The following VTI1A variants were observed in gnomAD, a reference collection of about 807,000 sequenced individuals.
VTI1A encodes vesicle transport through interaction with t-SNAREs 1A.
A neutral mutation model predicts 34.9 loss-of-function variants in VTI1A; 22 were observed. That is an observed-to-expected ratio of 0.63 (90% CI 0.45 to 0.90). The LOEUF (loss-of-function observed/expected upper bound fraction) is 0.90, where lower values mean the gene tolerates loss of function less well. Ranked by LOEUF, VTI1A falls within the 40% of genes least tolerant of loss-of-function variation. VTI1A has a pLI of 0.00. For synonymous variants in VTI1A, 87 were observed against 97.3 expected, an observed-to-expected ratio of 0.89 and a Z score of 0.62; for missense variants, 268 against 275.6, an observed-to-expected ratio of 0.97 and a Z score of 0.20.
intron 5 of VTI1A, among the ~76,000 whole-genome samples, chr10:112,557,656 A>G (rs1051719635): frequency 1.3e-5 from 2 of 152,338 alleles, no homozygotes; most frequent in South Asian, 4.1e-4. Context: ...AATTATATAT[A>G]TATATTCACA....
At chr10:112,498,721 A>T (rs553238450) in intron 3 of VTI1A, among the ~76,000 whole-genome samples, 1 of 152,216 alleles carries the variant, frequency 6.6e-6, no homozygotes, top group Non-Finnish European at 1.5e-5. Flanking sequence ...GATTGAGTGG[A>T]CGCAGTTAGA....
intron 5 of VTI1A, among the ~76,000 whole-genome samples, chr10:112,595,003 G>A (rs1165251569): frequency 8.3e-5 from 12 of 145,208 alleles, no homozygotes; most frequent in South Asian, 2.2e-4. Context: ...CAGAAATAAC[G>A]CCACATATCT....
chr10:112,700,410 C>T (rs781742982), intron 7 of VTI1A, among the ~76,000 whole-genome samples: 17 of 152,160 alleles, frequency 1.1e-4, no homozygotes, highest in Non-Finnish European at 1.9e-4. Context: ...AAAAATAACT[C>T]CAATCTATTG....
chr10:112,841,832 A>G, the VTI1A span, among the ~76,000 whole-genome samples: 3 of 152,122 alleles, frequency 2.0e-5, no homozygotes, highest in East Asian at 5.8e-4. Context: ...TGCCCTCTTG[A>G]TAATTCTATC....
intron 7 of VTI1A, among the ~76,000 whole-genome samples, chr10:112,782,050 TATC>T (rs533828913): frequency 3.2e-4 from 48 of 152,344 alleles, no homozygotes; most frequent in Admixed American, 3.0e-3. Flanking sequence ...ATGCTCATAG[TATC>T]ATATCTGCTT....
At chr10:112,546,226 C>CACAT (rs1554901107) in intron 5 of VTI1A, among the ~76,000 whole-genome samples, 8 of 150,214 alleles carry the variant, frequency 5.3e-5, no homozygotes, top group South Asian at 2.1e-4. Context: ...CACACACACA[C>CACAT]ATATATATAT....
At chr10:112,730,037 C>A (rs1009166093) in intron 7 of VTI1A, among the ~76,000 whole-genome samples, 2 of 152,236 alleles carry the variant, frequency 1.3e-5, no homozygotes. Context: ...AGTTATTTCA[C>A]TTCTCTGGAG....
intron 7 of VTI1A, among the ~76,000 whole-genome samples, chr10:112,761,561 T>C (rs1851463749): frequency 6.6e-6 from 1 of 152,184 alleles, no homozygotes; most frequent in African/African-American, 2.4e-5. Flanking sequence ...CACATTTTCT[T>C]TTAAAAAAAT....
chr10:112,685,502 C>G (rs909103632), intron 7 of VTI1A, among the ~76,000 whole-genome samples: 4 of 152,264 alleles, frequency 2.6e-5, no homozygotes, highest in African/African-American at 9.6e-5. Context: ...TGAAGTCTCG[C>G]TGGTTCTTAC....
intron 5 of VTI1A, among the ~76,000 whole-genome samples, chr10:112,540,187 C>G (rs902981663): frequency 6.6e-6 from 1 of 152,092 alleles, no homozygotes; most frequent in Non-Finnish European, 1.5e-5. Flanking sequence ...GAAAGAAGAT[C>G]GCAGATACCA....
At chr10:112,803,810 G>T (rs1312677980) in intron 7 of VTI1A, among the ~76,000 whole-genome samples, 1 of 152,164 alleles carries the variant, frequency 6.6e-6, no homozygotes, top group African/African-American at 2.4e-5. Flanking sequence ...AGGGCATGGA[G>T]GCCTTTTCCA....
chr10:112,841,673 CA>C, the VTI1A span, among the ~76,000 whole-genome samples: 1 of 152,176 alleles, frequency 6.6e-6, no homozygotes, highest in Non-Finnish European at 1.5e-5. Context: ...CAGCCCTGCC[CA>C]TGGCAGTCAC....
At chr10:112,846,208 C>T in the VTI1A span, among the ~76,000 whole-genome samples, 4 of 152,148 alleles carry the variant, frequency 2.6e-5, no homozygotes, top group African/African-American at 9.7e-5. Flanking sequence ...AGGCCTGAAT[C>T]CTATTATCAG....
At chr10:112,659,081 T>A (rs1671081700) in intron 5 of VTI1A, among the ~76,000 whole-genome samples, 1 of 152,232 alleles carries the variant, frequency 6.6e-6, no homozygotes, top group Admixed American at 6.5e-5. Context: ...GAAGCCTTTC[T>A]AATTACTTTC....
rs191989407 is a variant in VTI1A, at chr10:112,615,330, T to C, written c.428-52888T>C. Among the ~76,000 whole-genome samples the C allele has an allele frequency of 5.3e-5, 8 of 152,348 alleles. No individual in the cohort carries two copies. In the East Asian group the frequency reaches 1.5e-3, roughly 29 times the overall value. On this transcript the variant is annotated intron_variant, in intron 5 of 7. Coordinates refer to ENST00000393077, the MANE Select transcript of VTI1A (RefSeq NM_145206.4). ...AACAGATGGCAGCAGAAAAGTGATA[T>C]AAATTAGTATTTAGGAATAGTTCTT...
chr10:112,504,995 T>A (rs1849378509), intron 3 of VTI1A, among the ~76,000 whole-genome samples: 1 of 152,162 alleles, frequency 6.6e-6, no homozygotes. Context: ...TCTATTATTT[T>A]TTTTAATGCT....
intron 3 of VTI1A, among the ~76,000 whole-genome samples, chr10:112,475,672 A>G (rs968059236): frequency 6.6e-6 from 1 of 152,178 alleles, no homozygotes; most frequent in East Asian, 1.9e-4. Flanking sequence ...AATTATTATC[A>G]ACTTTGTTTG....
At chr10:112,549,868 C>A (rs574932768) in intron 5 of VTI1A, among the ~76,000 whole-genome samples, 15 of 152,160 alleles carry the variant, frequency 9.9e-5, no homozygotes, top group Non-Finnish European at 1.8e-4. Context: ...AGCTGTGATT[C>A]TTTTCTGAAA....
chr10:112,773,276 A>G (rs950285277), intron 7 of VTI1A, among the ~76,000 whole-genome samples: 2 of 152,182 alleles, frequency 1.3e-5, no homozygotes, highest in Admixed American at 1.3e-4. Flanking sequence ...CAATCAAAGG[A>G]AGTTTTTCCA....
Sources: gnomAD v4.1 joint callset for allele counts (sites outside exome capture counted in the v4.1 genomes callset) on GRCh38, gnomAD v4.1.1 for gene constraint, MANE v1.5 for transcripts, NCBI Gene and HGNC (gene_info 2026-07-23, HGNC 2026-07-21) for gene names.